COL12A1: variants seen among roughly 807,000 people sequenced by gnomAD.
COL12A1 encodes the protein collagen type XII alpha 1 chain.
In COL12A1, 114 loss-of-function variants were observed where a neutral mutation model predicts 349.7. That is an observed-to-expected ratio of 0.33 (90% CI 0.28 to 0.38). COL12A1 has a LOEUF of 0.38. Among genes scored for constraint, COL12A1 ranks in the 10% least tolerant of loss-of-function variants. COL12A1 has a pLI of 1.00. For missense variants in COL12A1, 3,284 were observed against 3,756.9 expected (o/e 0.87, Z 3.29); for synonymous variants, 1,369 against 1,329.0 (o/e 1.03, Z -0.66).
chr6:75,133,223 G>A, intron 34 of COL12A1, 70 bp downstream of exon 34: 1 of 1,340,414 alleles, frequency 7.5e-7, no homozygotes, highest in South Asian at 2.0e-5. Flanking sequence ...TCTTTAATGG[G>A]CCTTTATGGT....
intron 40 of COL12A1, among the ~76,000 whole-genome samples, 163 bp from the exon 41 acceptor site, chr6:75,124,534 G>A (rs916077393): frequency 2.6e-5 from 4 of 151,978 alleles, no homozygotes; most frequent in South Asian, 2.1e-4. Context: ...TAAAAATGTG[G>A]TACTGCCAAA....
Position 75,084,466 on chromosome 6 carries a change from C to G in COL12A1, c.*2081G>C, listed in dbSNP as rs1357858150. 6.6e-6 allele frequency: 1 copy of G among 152,598 alleles called. No homozygotes were observed. Among genetic ancestry groups the G allele is most frequent in the Non-Finnish European group, 1.5e-5 (1 of 68,036 alleles). 9.5% of individuals were successfully genotyped at this position (152,598 alleles called of 1,614,324 possible). A position where few individuals can be genotyped will look rare whatever the true frequency, so the allele number is the denominator to read the frequency against. On this transcript the variant is annotated 3_prime_UTR_variant, in exon 66 of 66. Coordinates refer to ENST00000322507, the MANE Select transcript of COL12A1 (RefSeq NM_004370.6). Reference sequence around the variant, plus strand: ...TAGTCTTGCAAATGTTTTCCAACTACTTTTGATAACTAAGAAATATTATAT... The same window carrying G: ...TAGTCTTGCAAATGTTTTCCAACTAGTTTTGATAACTAAGAAATATTATAT...
At chr6:75,158,744 T>A (rs770682517) in intron 14 of COL12A1, among the ~76,000 whole-genome samples, 1 of 151,692 alleles carries the variant, frequency 6.6e-6, no homozygotes. Flanking sequence ...AAATGAAAAA[T>A]ACATGAGATA....
chr6:75,117,666 C>A, intron 46 of COL12A1, 120 bp from the exon 47 acceptor site: 1 of 1,009,506 alleles, frequency 9.9e-7, no homozygotes, highest in Non-Finnish European at 1.4e-6. Context: ...TGCAGCAAGT[C>A]CTTTTACTTG....
At chr6:75,202,471 A>C (rs1289068948) in intron 2 of COL12A1, among the ~76,000 whole-genome samples, 1 of 152,224 alleles carries the variant, frequency 6.6e-6, no homozygotes, top group Non-Finnish European at 1.5e-5. Context: ...AGCACACCGC[A>C]GAGACAAGCT....
At chr6:75,186,501 T>C (rs1037404806) in intron 8 of COL12A1, among the ~76,000 whole-genome samples, 2 of 152,190 alleles carry the variant, frequency 1.3e-5, no homozygotes, top group South Asian at 4.1e-4. Context: ...GAAAAAGGAA[T>C]GCTTATATAC....
At chr6:75,153,973 T>A (rs777686852) in intron 17 of COL12A1, among the ~76,000 whole-genome samples, 13 of 152,020 alleles carry the variant, frequency 8.6e-5, no homozygotes, top group Non-Finnish European at 1.9e-4. Flanking sequence ...CGGTACAATA[T>A]CTACATTTAG....
At chr6:75,158,541 T>G (rs1013958943) in intron 14 of COL12A1, among the ~76,000 whole-genome samples, 3 of 151,972 alleles carry the variant, frequency 2.0e-5, no homozygotes, top group African/African-American at 7.2e-5. Flanking sequence ...CAACACATAA[T>G]AAGAAGAAAA....
chr6:75,103,012 C>T (rs1768376815), intron 55 of COL12A1, among the ~76,000 whole-genome samples: 1 of 152,074 alleles, frequency 6.6e-6, no homozygotes, highest in Non-Finnish European at 1.5e-5. Flanking sequence ...TTAAGTTTCA[C>T]TGGATTTGAT....
rs375136515 is a variant in COL12A1 at position 75,138,425 on chromosome 6, C to T, written c.5230+23G>A. Reference sequence around the variant, plus strand: ...AAATTAACTTTAAAATATCAATGTCCTATTTGAAAGCTAAACACCTACGTG... The same window carrying T: ...AAATTAACTTTAAAATATCAATGTCTTATTTGAAAGCTAAACACCTACGTG... On this transcript the variant is annotated intron_variant, in intron 29 of 65. Transcript: ENST00000322507. The T allele has an allele frequency of 2.5e-6, 4 of 1,609,572 alleles. No homozygotes were observed. The African/African-American group carries it at 4.0e-5, about 16-fold the overall frequency.
chr6:75,148,887 G>A (rs1029710920), intron 21 of COL12A1, among the ~76,000 whole-genome samples: 1 of 152,158 alleles, frequency 6.6e-6, no homozygotes, highest in Non-Finnish European at 1.5e-5. Flanking sequence ...GGGACCCACA[G>A]GGAGATAATT....
intron 35 of COL12A1, 81 bp downstream of exon 35, chr6:75,131,859 G>A: frequency 1.3e-6 from 2 of 1,497,644 alleles, no homozygotes; most frequent in Non-Finnish European, 1.8e-6. Context: ...TGTGGTTTGT[G>A]TTCTCCCAGG....
rs564036274 is a variant in COL12A1, at chr6:75,109,711, T to C, written c.7951-544A>G. 5.3e-5 allele frequency among the ~76,000 whole-genome samples: 8 copies of C among 152,236 alleles called. No individual in the cohort carries two copies. The East Asian group carries it at 1.5e-3, about 29-fold the overall frequency. On this transcript the variant is annotated intron_variant, in intron 51 of 65. Coordinates refer to ENST00000322507, the MANE Select transcript of COL12A1 (RefSeq NM_004370.6). ...CTCTGGAAATCGATAGAATTCAGGATTCAATTTTCTTTTAAGGAAAGAAGT... is the reference window on the plus strand; with the variant it reads ...CTCTGGAAATCGATAGAATTCAGGACTCAATTTTCTTTTAAGGAAAGAAGT...
At chr6:75,100,678 G>A (rs1768265373) in intron 58 of COL12A1, among the ~76,000 whole-genome samples, 1 of 152,050 alleles carries the variant, frequency 6.6e-6, no homozygotes, top group Non-Finnish European at 1.5e-5. Flanking sequence ...TTATCTTAGG[G>A]CAAATCTTTG....
chr6:75,122,565 C>G (rs1765796712), intron 43 of COL12A1, among the ~76,000 whole-genome samples: 1 of 152,150 alleles, frequency 6.6e-6, no homozygotes, highest in South Asian at 2.1e-4. Context: ...TACTGAATTT[C>G]TTTCTGTATC....
At chr6:75,164,165 T>C (rs1409125926) in intron 14 of COL12A1, among the ~76,000 whole-genome samples, 1 of 152,208 alleles carries the variant, frequency 6.6e-6, no homozygotes, top group Non-Finnish European at 1.5e-5. Flanking sequence ...ATCTGAGAAC[T>C]ATGTCTTCTC....
rs754958196 is a variant in COL12A1, at chr6:75,087,630, T to C, written c.9128A>G (p.Tyr3043Cys). Residue 3043 changes from tyrosine (Y) to cysteine (C), a missense_variant, in exon 65 of 66, where the codon TAC (tyrosine) becomes TGC (cysteine). Around this residue, in one of 2 missense-constraint regions of COL12A1, gnomAD observed 683 missense variants for 932.1 expected, o/e 0.73. Transcript: ENST00000322507. ...GIRGPPGPPG[Y>C]CDSSQCASIP... ...GCTGGCACACTGAGAAGAATCACAG[T>C]ATCCAGGAGGACCTGGGGGTCCTCG... 2 of 1,613,514 alleles carry C rather than the reference T, an allele frequency of 1.2e-6. No homozygotes were observed. The highest frequency in any genetic ancestry group is 8.5e-7 in the Non-Finnish European group (1 of 1,179,770).
Position 75,106,433 on chromosome 6 carries a change from C to G in COL12A1, c.8164G>C (p.Asp2722His). The change falls in exon 53 of 66, where the codon GAT (aspartate) becomes CAT (histidine). Residue 2722 changes from aspartate to histidine, a missense_variant. Asp to His is a moderately conservative substitution (Grantham distance 81, BLOSUM62 -1). This residue lies in a region of COL12A1 where 683 missense variants were observed against 932.1 expected (regional missense o/e 0.73). Coordinates refer to ENST00000322507, the MANE Select transcript of COL12A1 (RefSeq NM_004370.6). ...GTTTTACTTACCCTAGAGGGAATAT[C>G]ACAGCATCTGTCTCTACTGGTCCAC... ...PVWTSRDRCC[D>H]IPSRRDEGKC... 6.2e-7 allele frequency: 1 copy of G among 1,613,762 alleles called. No homozygotes were observed. The highest frequency in any genetic ancestry group is 8.5e-7 in the Non-Finnish European group (1 of 1,179,734).
chr6:75,108,579 G>T (rs116483514), intron 52 of COL12A1, among the ~76,000 whole-genome samples: 1 of 152,274 alleles, frequency 6.6e-6, no homozygotes, highest in Non-Finnish European at 1.5e-5. Context: ...GCAGCCGAAT[G>T]GCTCCTCTGT....
Sources: gnomAD v4.1 joint callset for allele counts (sites outside exome capture counted in the v4.1 genomes callset) on GRCh38, gnomAD v4.1.1 for gene constraint, gnomAD v4.1.1 regional missense constraint, MANE v1.5 for transcripts, NCBI Gene and HGNC (gene_info 2026-07-23, HGNC 2026-07-21) for gene names.